The following SPAG16 variants were observed in gnomAD, a reference collection of about 807,000 sequenced individuals.
SPAG16 encodes the protein sperm associated antigen 16, also known as sperm-associated antigen 16 protein.
Under a neutral mutation model 80.4 loss-of-function variants are expected in SPAG16, and 86 were observed. The ratio of observed to expected loss-of-function variants is 1.07; its 90% CI spans 0.90 to 1.28. The LOEUF (loss-of-function observed/expected upper bound fraction) is 1.28. Ranked by LOEUF, SPAG16 falls within the 50% of genes most tolerant of loss-of-function variation. The pLI is 0.00. For synonymous variants in SPAG16, 294 were observed against 265.9 expected, an observed-to-expected ratio of 1.11 and a Z score of -1.03; for missense variants, 870 against 765.3, an observed-to-expected ratio of 1.14 and a Z score of -1.61.
chr2:213,859,178 C>CAAA (rs1165853142), intron 10 of SPAG16, among the ~76,000 whole-genome samples: 132 of 9,376 alleles, frequency 0.014, 49 homozygotes, highest in South Asian at 0.047. Flanking sequence ...CACTCCGTCT[C>CAAA]AAAAAAAAAA....
intron 15 of SPAG16, among the ~76,000 whole-genome samples, chr2:214,228,886 TG>T (rs1309646232): frequency 6.6e-6 from 1 of 151,934 alleles, no homozygotes; most frequent in Non-Finnish European, 1.5e-5. Context: ...GCTACATTGA[TG>T]GCAGAACCAA....
chr2:214,288,068 G>GC (rs1376794926), intron 15 of SPAG16, among the ~76,000 whole-genome samples: 158 of 149,962 alleles, frequency 1.1e-3, no homozygotes, highest in South Asian at 1.5e-3. Flanking sequence ...TTGGTTTACC[G>GC]CCCCCCCCAA....
chr2:214,177,967 G>GTA (rs1215521563), intron 15 of SPAG16, among the ~76,000 whole-genome samples: 1 of 18,168 alleles, frequency 5.5e-5, no homozygotes, highest in Admixed American at 8.5e-4. Flanking sequence ...TTCACAAAGT[G>GTA]TATGTATATA....
At chr2:214,037,384 G>T (rs548692370) in intron 13 of SPAG16, among the ~76,000 whole-genome samples, 3 of 151,452 alleles carry the variant, frequency 2.0e-5, no homozygotes, top group Non-Finnish European at 3.0e-5. Flanking sequence ...TCTGTTTTTT[G>T]TTATTAGAGA....
At chr2:214,065,574 G>A (rs2050493352) in intron 13 of SPAG16, among the ~76,000 whole-genome samples, 1 of 149,966 alleles carries the variant, frequency 6.7e-6, no homozygotes, top group African/African-American at 2.5e-5. Context: ...CACTTGACTG[G>A]ATCATTTAGA....
intron 14 of SPAG16, among the ~76,000 whole-genome samples, chr2:214,121,201 A>G (rs1222816354): frequency 6.6e-6 from 1 of 151,882 alleles, no homozygotes; most frequent in African/African-American, 2.4e-5. Flanking sequence ...TTTAATATTC[A>G]TAAAAGGAGA....
chr2:213,824,530 T>TTTTCAAAATGAAAACAAGTTTCA (rs1390106879), intron 10 of SPAG16, among the ~76,000 whole-genome samples: 3 of 152,186 alleles, frequency 2.0e-5, no homozygotes, highest in Non-Finnish European at 4.4e-5. Flanking sequence ...TTAGCACTTG[T>TTTTCAAAATGAAAACAAGTTTCA]TTTCAAAAAT....
At chr2:213,849,719 A>G (rs948069679) in intron 10 of SPAG16, among the ~76,000 whole-genome samples, 1 of 152,070 alleles carries the variant, frequency 6.6e-6, no homozygotes, top group Admixed American at 6.6e-5. Flanking sequence ...TAGAAAAGAG[A>G]TTTTTCATGT....
At chr2:214,000,501 C>T (rs537132147) in intron 12 of SPAG16, among the ~76,000 whole-genome samples, 10 of 152,166 alleles carry the variant, frequency 6.6e-5, no homozygotes, top group South Asian at 4.1e-4. Flanking sequence ...TCAGAGAACA[C>T]GAAGATTTGT....
chr2:213,916,538 CAGG>C (rs1365042387), intron 11 of SPAG16, among the ~76,000 whole-genome samples: 1 of 152,128 alleles, frequency 6.6e-6, no homozygotes, highest in African/African-American at 2.4e-5. Context: ...ATTTTGAAGT[CAGG>C]TAGTGTGATG....
rs16850496 is a variant in SPAG16, at chr2:213,595,277, T to C, written c.1070+105187T>C. On this transcript the variant is annotated intron_variant, in intron 10 of 15. Coordinates refer to ENST00000331683, the MANE Select transcript of SPAG16 (RefSeq NM_024532.5). ...TTATTTCAATGTAACTCTCATGCAA[T>C]TAATTAAAACTCAGTGGGGTATTGT... 3.8e-3 allele frequency among the ~76,000 whole-genome samples: 580 copies of C among 152,282 alleles called. 15 individuals are homozygous for C. In the East Asian group the frequency reaches 0.041, roughly 11 times the overall value.
intron 10 of SPAG16, among the ~76,000 whole-genome samples, chr2:213,531,233 C>T (rs1366142340): frequency 2.0e-5 from 3 of 152,222 alleles, no homozygotes; most frequent in Middle Eastern, 3.4e-3. Flanking sequence ...TGTGCTCAGG[C>T]TTCAATTTGG....
At chr2:213,909,961 T>C (rs2077591587) in intron 11 of SPAG16, among the ~76,000 whole-genome samples, 1 of 152,222 alleles carries the variant, frequency 6.6e-6, no homozygotes, top group Non-Finnish European at 1.5e-5. Context: ...CAAATATGCC[T>C]TAATATTTTT....
At chr2:213,975,715 G>A (rs2045336412) in intron 12 of SPAG16, among the ~76,000 whole-genome samples, 1 of 151,836 alleles carries the variant, frequency 6.6e-6, no homozygotes, top group Non-Finnish European at 1.5e-5. Context: ...ACCAAAATAG[G>A]TGAGAAAAAC....
chr2:214,318,488 TCTC>T (rs1255089050), intron 15 of SPAG16, among the ~76,000 whole-genome samples: 1 of 149,358 alleles, frequency 6.7e-6, no homozygotes, highest in Non-Finnish European at 1.5e-5. Context: ...TTCAAGCAAT[TCTC>T]CTGCCTCAGC....
At chr2:214,400,453 G>A (rs560373541) in intron 15 of SPAG16, among the ~76,000 whole-genome samples, 1 of 151,900 alleles carries the variant, frequency 6.6e-6, no homozygotes, top group African/African-American at 2.4e-5. Context: ...ATTGTATTAG[G>A]TATTATAAAT....
intron 15 of SPAG16, among the ~76,000 whole-genome samples, chr2:214,301,064 AATAAAAGTT>A (rs1694516812): frequency 1.4e-5 from 2 of 145,282 alleles, no homozygotes; most frequent in African/African-American, 5.1e-5. Flanking sequence ...TAATAATAAT[AATAAAAGTT>A]AGCAAGCTAA....
intron 10 of SPAG16, among the ~76,000 whole-genome samples, chr2:213,625,301 G>A (rs1173356336): frequency 6.6e-6 from 1 of 151,992 alleles, no homozygotes; most frequent in Non-Finnish European, 1.5e-5. Flanking sequence ...AAGGGGAAGG[G>A]GAAGTAAGCA....
At chr2:214,061,671 C>A (rs2050262048) in intron 13 of SPAG16, among the ~76,000 whole-genome samples, 1 of 150,842 alleles carries the variant, frequency 6.6e-6, no homozygotes, top group Admixed American at 6.7e-5. Flanking sequence ...CTAAAATATA[C>A]CTTCATAGAA....
Sources: gnomAD v4.1 joint callset for allele counts (sites outside exome capture counted in the v4.1 genomes callset) on GRCh38, gnomAD v4.1.1 for gene constraint, MANE v1.5 for transcripts, NCBI Gene and HGNC (gene_info 2026-07-23, HGNC 2026-07-21) for gene names.